Variants in BACE2 observed in about 807,000 individuals in gnomAD.
BACE2 encodes the protein beta-secretase 2, also known as 56 kDa aspartic-like protease.
Under a neutral mutation model 46.2 loss-of-function variants are expected in BACE2, and 17 were observed. The ratio of observed to expected loss-of-function variants is 0.37; its 90% CI spans 0.25 to 0.55. The LOEUF (loss-of-function observed/expected upper bound fraction) is 0.55, where lower values mean the gene tolerates loss of function less well. Among genes scored for constraint, BACE2 ranks in the 20% least tolerant of loss-of-function variants. BACE2 has a pLI of 0.82. For synonymous variants in BACE2, 277 were observed against 295.9 expected (o/e 0.94, Z 0.66); for missense variants, 595 against 698.1 (o/e 0.85, Z 1.66).
intron 7 of BACE2, among the ~76,000 whole-genome samples, chr21:41,255,678 G>T (rs1987765497): frequency 6.6e-6 from 1 of 152,162 alleles, no homozygotes; most frequent in Non-Finnish European, 1.5e-5. Flanking sequence ...GCCATGTGAA[G>T]TCCTCAGCAG....
chr21:41,185,691 A>T (rs1985345026), intron 1 of BACE2, among the ~76,000 whole-genome samples: 1 of 152,254 alleles, frequency 6.6e-6, no homozygotes, highest in South Asian at 2.1e-4. Flanking sequence ...TATAATACCG[A>T]TGCTGAGAAC....
intron 1 of BACE2, chr21:41,176,256 G>A (rs1400139208): frequency 6.6e-6 from 1 of 152,228 alleles, no homozygotes; most frequent in African/African-American, 2.4e-5. Flanking sequence ...ATCGGATTCA[G>A]TGACCGAGAG....
At chr21:41,242,135 G>T (rs1051672009) in intron 4 of BACE2, among the ~76,000 whole-genome samples, 188 bp downstream of exon 4, 1 of 151,860 alleles carries the variant, frequency 6.6e-6, no homozygotes, top group Non-Finnish European at 1.5e-5. Flanking sequence ...ATGTCATCCT[G>T]CCATCTGGAA....
chr21:41,201,171 G>A (rs1985954069), intron 1 of BACE2, among the ~76,000 whole-genome samples: 1 of 152,204 alleles, frequency 6.6e-6, no homozygotes, highest in Admixed American at 6.5e-5. Flanking sequence ...CTTATCCTCT[G>A]GACCATGCAA....
intron 1 of BACE2, among the ~76,000 whole-genome samples, chr21:41,188,273 T>TTGGGGC: frequency 6.6e-6 from 1 of 152,180 alleles, no homozygotes; most frequent in African/African-American, 2.4e-5. Context: ...CCTGCTCATC[T>TTGGGGC]CTGTATCCAT....
chr21:41,228,001 C>T (rs549581595), intron 2 of BACE2, among the ~76,000 whole-genome samples: 5 of 152,304 alleles, frequency 3.3e-5, no homozygotes, highest in Admixed American at 3.3e-4. Context: ...ATTCCTGCGG[C>T]ACAGGAGTTC....
chr21:41,274,518 A>T (rs2088464593), intron 8 of BACE2, among the ~76,000 whole-genome samples: 1 of 152,256 alleles, frequency 6.6e-6, no homozygotes, highest in African/African-American at 2.4e-5. Context: ...TCTTTTCCGT[A>T]TTGCAAGTAA....
intron 1 of BACE2, among the ~76,000 whole-genome samples, chr21:41,209,061 G>A (rs540350394): frequency 5.2e-4 from 79 of 152,300 alleles, no homozygotes; most frequent in African/African-American, 1.8e-3. Context: ...TCTGTCGTGC[G>A]GTTATGTCCA....
intron 1 of BACE2, chr21:41,184,141 CAGG>C (rs761477085): frequency 1.2e-5 from 2 of 167,044 alleles, no homozygotes; most frequent in Admixed American, 6.5e-5. Context: ...CTCCTAATGT[CAGG>C]AGAAGATTGA....
intron 8 of BACE2, among the ~76,000 whole-genome samples, chr21:41,260,842 C>T (rs868152332): frequency 6.6e-6 from 1 of 152,180 alleles, no homozygotes; most frequent in South Asian, 2.1e-4. Context: ...AACATCCTAC[C>T]GTATACTTAT....
At chr21:41,181,808 T>G (rs1381607673) in intron 1 of BACE2, 11 of 167,044 alleles carry the variant, frequency 6.6e-5, no homozygotes, top group African/African-American at 1.7e-4. Flanking sequence ...ATTTTCCAGA[T>G]AGGTCGGAAG....
At chr21:41,226,493 CAT>C (rs1986822813) in intron 2 of BACE2, 139 bp downstream of exon 2, 1 of 674,076 alleles carries the variant, frequency 1.5e-6, no homozygotes. Flanking sequence ...TGTATACACA[CAT>C]GTGGACATGT....
Position 41,275,802 on chromosome 21 carries a change from C to A in BACE2, c.*178C>A, listed in dbSNP as rs1239914193. The A allele has an allele frequency of 5.4e-6, 4 of 741,274 alleles. No homozygotes were observed. Among genetic ancestry groups the A allele is most frequent in the Non-Finnish European group, 8.5e-6 (4 of 472,384 alleles). 45.9% of individuals were successfully genotyped at this position (741,274 alleles called of 1,614,324 possible). Reference sequence around the variant, plus strand: ...TTTTGATTCTTGATTTTCAAGCTTTCAAATCCTCCCTACTTCCAAGAAAAA... The same window carrying A: ...TTTTGATTCTTGATTTTCAAGCTTTAAAATCCTCCCTACTTCCAAGAAAAA... On this transcript the variant is annotated 3_prime_UTR_variant, in exon 9 of 9. Coordinates refer to ENST00000330333, the MANE Select transcript of BACE2 (RefSeq NM_012105.5).
intron 1 of BACE2, among the ~76,000 whole-genome samples, chr21:41,204,703 T>C (rs1986070628): frequency 6.6e-6 from 1 of 152,246 alleles, no homozygotes; most frequent in Admixed American, 6.5e-5. Context: ...GACTTTTCTA[T>C]ACCATAATTA....
In BACE2 at chr21:41,278,897, G is replaced by C. The variant is rs1257405268; in HGVS notation, c.*3273G>C. On this transcript the variant is annotated 3_prime_UTR_variant, in exon 9 of 9. Coordinates refer to ENST00000330333, the MANE Select transcript of BACE2 (RefSeq NM_012105.5). ...CAAACAACAGTAATTGAATTTCACA[G>C]ACTTTATCCTGATTAGTGGAAATCA... The C allele has an allele frequency of 2.0e-5, 3 of 152,172 alleles. No individual in the cohort carries two copies. The highest frequency in any genetic ancestry group is 7.2e-5 in the African/African-American group (3 of 41,436). The allele number at this position is 152,172 out of a possible 1,614,324, so 9.4% of individuals were successfully genotyped here. A position where few individuals can be genotyped will look rare whatever the true frequency, so the allele number is the denominator to read the frequency against.
At chr21:41,274,691 G>T (rs552894605) in intron 8 of BACE2, among the ~76,000 whole-genome samples, 6 of 152,232 alleles carry the variant, frequency 3.9e-5, no homozygotes, top group African/African-American at 1.4e-4. Flanking sequence ...AATTTTAACT[G>T]TTTCTCTTTG....
intron 2 of BACE2, among the ~76,000 whole-genome samples, chr21:41,233,089 C>T (rs553477792): frequency 6.6e-6 from 1 of 152,070 alleles, no homozygotes; most frequent in African/African-American, 2.4e-5. Flanking sequence ...AGGATAGTCT[C>T]GATCTCCTGA....
At chr21:41,182,108 G>A (rs73902943) in intron 1 of BACE2, 85 of 167,180 alleles carry the variant, frequency 5.1e-4, no homozygotes, top group African/African-American at 2.0e-3. Flanking sequence ...AGGAAGAAGA[G>A]CAAGATCAAT....
chr21:41,181,158 C>G (rs1050587693), intron 1 of BACE2: 13 of 167,062 alleles, frequency 7.8e-5, no homozygotes, highest in African/African-American at 3.1e-4. Flanking sequence ...ATGTCAGTTC[C>G]AAGTTTTTTA....
Sources: allele counts gnomAD v4.1 joint callset (sites outside exome capture counted in the v4.1 genomes callset), GRCh38; gene constraint gnomAD v4.1.1; transcripts MANE v1.5; gene names NCBI Gene and HGNC (gene_info 2026-07-23, HGNC 2026-07-21).